Variants in PARVA observed in about 807,000 individuals in gnomAD.
The protein encoded by PARVA is alpha-parvin.
Under a neutral mutation model 52.6 loss-of-function variants are expected in PARVA, and 25 were observed. That is an observed-to-expected ratio of 0.48 (90% CI 0.35 to 0.66). PARVA has a LOEUF of 0.66. PARVA is among the 30% of genes least tolerant of loss of function. PARVA has a pLI of 0.01. For synonymous variants in PARVA, 185 were observed against 179.1 expected, an observed-to-expected ratio of 1.03 and a Z score of -0.26; for missense variants, 373 against 450.9, an observed-to-expected ratio of 0.83 and a Z score of 1.56.
At chr11:12,446,923 C>G (rs1940555352) in intron 1 of PARVA, among the ~76,000 whole-genome samples, 1 of 152,184 alleles carries the variant, frequency 6.6e-6, no homozygotes, top group South Asian at 2.1e-4. Context: ...TAGGTTAAGT[C>G]TCAGGGTAAA....
At chr11:12,467,131 A>C (rs948052001) in intron 1 of PARVA, among the ~76,000 whole-genome samples, 1 of 152,228 alleles carries the variant, frequency 6.6e-6, no homozygotes, top group African/African-American at 2.4e-5. Flanking sequence ...TTGTGCTACT[A>C]TAAATGATAC....
chr11:12,495,621 C>CT (rs113219639), intron 4 of PARVA, among the ~76,000 whole-genome samples: 62,014 of 150,284 alleles, frequency 0.41, 13,370 homozygotes, highest in East Asian at 0.67. Context: ...TGAGTTTTTC[C>CT]TTTTTTTTAA....
chr11:12,484,847 C>G (rs187029697), intron 4 of PARVA, among the ~76,000 whole-genome samples: 1 of 131,576 alleles, frequency 7.6e-6, no homozygotes, highest in Non-Finnish European at 1.6e-5. Flanking sequence ...GGGCCTCACT[C>G]TATTGCCTAG....
At chr11:12,393,771 C>T (rs568723958) in intron 1 of PARVA, among the ~76,000 whole-genome samples, 1 of 152,188 alleles carries the variant, frequency 6.6e-6, no homozygotes, top group Non-Finnish European at 1.5e-5. Context: ...TGAGCAAACA[C>T]ATGTTTCATT....
rs775256875 is a variant in PARVA, at chr11:12,531,397, G to A, written c.*3472G>A. 7.2e-5 allele frequency among the ~76,000 whole-genome samples: 11 copies of A among 152,106 alleles called. No homozygotes were observed. The highest frequency in any genetic ancestry group is 1.3e-4 in the Non-Finnish European group (9 of 68,026). On this transcript the variant is annotated 3_prime_UTR_variant, in exon 13 of 13. Transcript: ENST00000334956. ...TACAGAGTATACTTGAAGCTTATTT[G>A]CATCAACAGTATTCTGGAGCTGTAA... is the stretch of plus-strand genomic sequence containing the variant.
chr11:12,513,436 T>C, intron 9 of PARVA, 76 bp downstream of exon 9: 1 of 1,332,154 alleles, frequency 7.5e-7, no homozygotes, highest in Non-Finnish European at 1.1e-6. Context: ...TCCCTGCAGC[T>C]TGCGAGCTTC....
intron 1 of PARVA, among the ~76,000 whole-genome samples, chr11:12,449,650 G>A (rs1043731328): frequency 2.6e-5 from 4 of 152,148 alleles, no homozygotes; most frequent in Non-Finnish European, 5.9e-5. Flanking sequence ...CTCCATGGGG[G>A]TGACTTTGCT....
chr11:12,474,259 C>A (rs911012905), intron 3 of PARVA, among the ~76,000 whole-genome samples: 2 of 152,042 alleles, frequency 1.3e-5, no homozygotes, highest in Non-Finnish European at 2.9e-5. Flanking sequence ...CCAGAGTGCA[C>A]AAAATGCTTA....
upstream of PARVA, chr11:12,377,171 G>C: frequency 4.0e-6 from 1 of 246,980 alleles, no homozygotes; most frequent in East Asian, 9.0e-5. Context: ...GCAAGACGTG[G>C]GCCTGATAAC....
intron 1 of PARVA, among the ~76,000 whole-genome samples, chr11:12,461,186 C>T (rs1940774495): frequency 6.6e-6 from 1 of 152,194 alleles, no homozygotes; most frequent in African/African-American, 2.4e-5. Flanking sequence ...CCTGACCCAT[C>T]TCCTAGCACC....
At chr11:12,382,396 T>A (rs63028661) in intron 1 of PARVA, among the ~76,000 whole-genome samples, 96 of 149,944 alleles carry the variant, frequency 6.4e-4, no homozygotes, top group East Asian at 3.9e-3. Context: ...TTTTTTTTTT[T>A]AATATTTCTA....
At chr11:12,377,563 G>A (rs1257706509), upstream of PARVA, 6 of 1,486,964 alleles carry the variant, frequency 4.0e-6, no homozygotes, top group African/African-American at 2.9e-5. Flanking sequence ...TTGGAAAGCC[G>A]CAGCCTCAGT....
intron 4 of PARVA, among the ~76,000 whole-genome samples, chr11:12,489,313 AAAT>A (rs1941202430): frequency 1.3e-5 from 2 of 152,176 alleles, no homozygotes; most frequent in Non-Finnish European, 2.9e-5. Context: ...AAAAACAACC[AAAT>A]AGAACTTCTA....
At chr11:12,496,690 G>T (rs12223547) in intron 5 of PARVA, 92 bp downstream of exon 5, 514,776 of 1,304,436 alleles carry the variant, frequency 0.39, 106,634 homozygotes, top group Admixed American at 0.56. Context: ...AGCTTGGCAG[G>T]CTTCAGGGGA....
chr11:12,435,159 C>T (rs529492736), intron 1 of PARVA, among the ~76,000 whole-genome samples: 2 of 152,360 alleles, frequency 1.3e-5, no homozygotes, highest in East Asian at 1.9e-4. Context: ...TACTTGATCT[C>T]TCTCTTCAGC....
intron 4 of PARVA, among the ~76,000 whole-genome samples, chr11:12,482,587 T>G (rs1941103244): frequency 6.6e-6 from 1 of 151,318 alleles, no homozygotes; most frequent in South Asian, 2.1e-4. Flanking sequence ...GATCATACCA[T>G]TGCACTCCAG....
intron 12 of PARVA, among the ~76,000 whole-genome samples, chr11:12,519,040 C>T (rs1941607480): frequency 6.6e-6 from 1 of 152,258 alleles, no homozygotes; most frequent in African/African-American, 2.4e-5. Context: ...CCCCTGCATA[C>T]TCCTGCTAGG....
At chr11:12,404,866 TG>T (rs1411826228) in intron 1 of PARVA, among the ~76,000 whole-genome samples, 1 of 152,316 alleles carries the variant, frequency 6.6e-6, no homozygotes, top group South Asian at 2.1e-4. Context: ...TGAAGAAAGC[TG>T]TGGAAGGCCA....
In PARVA at chr11:12,489,164, A is replaced by T. The variant is rs534286012; in HGVS notation, c.401-7294A>T. 1.3e-4 allele frequency among the ~76,000 whole-genome samples: 19 copies of T among 143,778 alleles called. No homozygotes were observed. The East Asian group carries it at 2.8e-3, about 21-fold the overall frequency. 94.3% of individuals were successfully genotyped at this position (143,778 alleles called of 152,430 possible). On this transcript the variant is annotated intron_variant, in intron 4 of 12. Transcript: ENST00000334956. Reference sequence around the variant, plus strand: ...ATATGGTGAGACCCCACCTCTATTTAAAAAAAAAAAAGAAAAAGAAAAAAA... The same window carrying T: ...ATATGGTGAGACCCCACCTCTATTTTAAAAAAAAAAAGAAAAAGAAAAAAA...
Sources: allele counts gnomAD v4.1 joint callset (sites outside exome capture counted in the v4.1 genomes callset), GRCh38; gene constraint gnomAD v4.1.1; transcripts MANE v1.5; gene names NCBI Gene and HGNC (gene_info 2026-07-23, HGNC 2026-07-21).